GPM6A: variants seen among roughly 807,000 people sequenced by gnomAD.
GPM6A encodes glycoprotein M6A, also known as neuronal membrane glycoprotein M6-a.
In GPM6A, 7 loss-of-function variants were observed where a neutral mutation model predicts 32.1. The ratio of observed to expected loss-of-function variants is 0.22; its 90% CI spans 0.12 to 0.41. GPM6A has a LOEUF of 0.41. Among genes scored for constraint, GPM6A ranks in the 10% least tolerant of loss-of-function variants. GPM6A has a pLI of 1.00. For synonymous variants in GPM6A, 130 were observed against 123.4 expected (o/e 1.05, Z -0.35); for missense variants, 235 against 347.2 (o/e 0.68, Z 2.57).
intron 1 of GPM6A, among the ~76,000 whole-genome samples, chr4:175,714,443 G>GTA (rs2111099679): frequency 6.6e-6 from 1 of 152,038 alleles, no homozygotes; most frequent in African/African-American, 2.4e-5. Flanking sequence ...GAGTGCAGTG[G>GTA]TGTGATCGTA....
intron 1 of GPM6A, among the ~76,000 whole-genome samples, chr4:175,766,009 T>C (rs1579475940): frequency 6.6e-6 from 1 of 152,204 alleles, no homozygotes; most frequent in Non-Finnish European, 1.5e-5. Context: ...AACATTAGGG[T>C]GTCCTTTGAA....
At chr4:175,916,629 C>G (rs1738502150) in intron 1 of GPM6A, among the ~76,000 whole-genome samples, 1 of 152,118 alleles carries the variant, frequency 6.6e-6, no homozygotes, top group African/African-American at 2.4e-5. Flanking sequence ...GAGAAAATAA[C>G]CCAGGAGGCT....
intron 1 of GPM6A, among the ~76,000 whole-genome samples, chr4:175,941,112 CAG>C (rs972634633): frequency 3.9e-5 from 6 of 152,158 alleles, no homozygotes; most frequent in African/African-American, 1.4e-4. Context: ...ACTTTCAACA[CAG>C]GGAATTTTAA....
At chr4:175,985,709 A>G (rs1450078882) in intron 1 of GPM6A, among the ~76,000 whole-genome samples, 2 of 152,186 alleles carry the variant, frequency 1.3e-5, no homozygotes, top group African/African-American at 4.8e-5. Context: ...AGGATTTCCC[A>G]GATCAGTTTA....
intron 1 of GPM6A, among the ~76,000 whole-genome samples, chr4:175,842,711 A>T (rs140198012): frequency 1.1e-4 from 16 of 152,278 alleles, no homozygotes; most frequent in African/African-American, 3.8e-4. Flanking sequence ...AAAAAAATTT[A>T]AAAAACAGAG....
At chr4:175,818,825 A>T (rs1735191078) in intron 1 of GPM6A, among the ~76,000 whole-genome samples, 1 of 152,210 alleles carries the variant, frequency 6.6e-6, no homozygotes, top group Non-Finnish European at 1.5e-5. Flanking sequence ...TTCAAAGAGC[A>T]ACCAGCAAAA....
chr4:175,668,321 C>T (rs190696731), intron 3 of GPM6A, among the ~76,000 whole-genome samples: 101 of 151,930 alleles, frequency 6.6e-4, no homozygotes, highest in Non-Finnish European at 1.1e-3. Flanking sequence ...CTCAATGCCA[C>T]GGTTTTTCAA....
chr4:175,744,432 G>T (rs1732016763), intron 1 of GPM6A, among the ~76,000 whole-genome samples: 1 of 151,822 alleles, frequency 6.6e-6, no homozygotes, highest in South Asian at 2.1e-4. Context: ...GATGATCTAA[G>T]CATCCACTTT....
At chr4:175,882,738 A>T (rs1579594459) in intron 1 of GPM6A, among the ~76,000 whole-genome samples, 1 of 152,116 alleles carries the variant, frequency 6.6e-6, no homozygotes. Context: ...ACAGGTGGTA[A>T]GAAAATAAAT....
chr4:175,875,291 G>C (rs1737047595), intron 1 of GPM6A, among the ~76,000 whole-genome samples: 1 of 152,084 alleles, frequency 6.6e-6, no homozygotes, highest in Admixed American at 6.6e-5. Flanking sequence ...GCAATGCCAT[G>C]AGCTTTTAAT....
rs1553990617 is a variant in GPM6A at position 175,799,671 on chromosome 4, C to CTTTTCTTTTTT, written c.37+12519_37+12520insAAAAAAGAAAA. Among the ~76,000 whole-genome samples the CTTTTCTTTTTT allele has an allele frequency of 3.5e-3, 426 of 122,076 alleles. 10 individuals are homozygous for CTTTTCTTTTTT. Among genetic ancestry groups the CTTTTCTTTTTT allele is most frequent in the African/African-American group, 0.012 (404 of 34,900 alleles). The allele number at this position is 122,076 out of a possible 152,430, so 80.1% of individuals were successfully genotyped here. A position where few individuals can be genotyped will look rare whatever the true frequency, so the allele number is the denominator to read the frequency against. ...TCACCCTAAAAGTAGCAAGTGTTTT[C>CTTTTCTTTTTT]TTTTTTTTTTTTTTGAGACGGAGTC... is the stretch of plus-strand genomic sequence containing the variant. On this transcript the variant is annotated intron_variant, in intron 1 of 6. Coordinates refer to ENST00000393658, the MANE Select transcript of GPM6A (RefSeq NM_201591.3).
rs535735133 is a variant in GPM6A, at chr4:175,905,796, C to T, written c.-22-93547G>A. Among the ~76,000 whole-genome samples, 6 of 152,100 alleles carry T rather than the reference C, an allele frequency of 3.9e-5. No individual in the cohort carries two copies. In the East Asian group the frequency reaches 5.8e-4, roughly 15 times the overall value. ...TCTAAGAATGCTAATTTTGGAAAAC[C>T]GCCGATGTTCATGCTTTCCTTTAAT... On this transcript the variant is annotated intron_variant, in intron 1 of 7. Coordinates refer to the GPM6A transcript ENST00000280187.
intron 1 of GPM6A, among the ~76,000 whole-genome samples, chr4:175,758,971 T>G (rs1732635912): frequency 6.6e-6 from 1 of 152,208 alleles, no homozygotes; most frequent in Non-Finnish European, 1.5e-5. Context: ...CTACTCTCCT[T>G]GAGACCTCAG....
intron 1 of GPM6A, among the ~76,000 whole-genome samples, chr4:175,775,328 G>A (rs1733351521): frequency 6.6e-6 from 1 of 152,122 alleles, no homozygotes; most frequent in African/African-American, 2.4e-5. Flanking sequence ...AGTGCTGAAA[G>A]ACGCAAATGG....
At chr4:175,671,743 A>AG (rs1743084262) in intron 3 of GPM6A, among the ~76,000 whole-genome samples, 1 of 152,160 alleles carries the variant, frequency 6.6e-6, no homozygotes, top group South Asian at 2.1e-4. Context: ...TGGGACAGCC[A>AG]GGGTATGGCT....
chr4:175,983,540 A>G (rs961787189), intron 1 of GPM6A, among the ~76,000 whole-genome samples: 6 of 152,196 alleles, frequency 3.9e-5, no homozygotes, highest in Admixed American at 2.6e-4. Flanking sequence ...TGTGGTGATT[A>G]TAAGGTTTTT....
At position 175,787,302 on chromosome 4, in the gene GPM6A, A is replaced by G. The variant is rs1047918603; in HGVS notation, c.37+24889T>C. On this transcript the variant is annotated intron_variant, in intron 1 of 6. Transcript: ENST00000393658. ...AATGATTTCCTCAATAGTTTCACTGATAATACTCCCACCAAAGTCACCCTT... is the reference window on the plus strand; with the variant it reads ...AATGATTTCCTCAATAGTTTCACTGGTAATACTCCCACCAAAGTCACCCTT... The G allele has an allele frequency of 3.2e-6, 4 of 1,257,278 alleles. No homozygotes were observed. In the Admixed American group the frequency reaches 7.9e-5, roughly 25 times the overall value. 77.9% of individuals were successfully genotyped at this position (1,257,278 alleles called of 1,614,324 possible).
intron 1 of GPM6A, among the ~76,000 whole-genome samples, chr4:175,885,944 G>C (rs1298247530): frequency 6.6e-6 from 1 of 152,066 alleles, no homozygotes; most frequent in African/African-American, 2.4e-5. Context: ...TAAGGGAGTT[G>C]AAAGATCTGA....
intron 1 of GPM6A, among the ~76,000 whole-genome samples, chr4:175,712,831 T>A (rs937387880): frequency 6.6e-6 from 1 of 152,224 alleles, no homozygotes; most frequent in Non-Finnish European, 1.5e-5. Flanking sequence ...AAATATGGTC[T>A]CTACTCTGTT....
Sources: allele counts gnomAD v4.1 joint callset (sites outside exome capture counted in the v4.1 genomes callset), GRCh38; gene constraint gnomAD v4.1.1; transcripts MANE v1.5; gene names NCBI Gene and HGNC (gene_info 2026-07-23, HGNC 2026-07-21).